Variants in LOC400499 observed in about 807,000 individuals in gnomAD.
At chr16:11,473,497 T>C in the LOC400499 span, among the ~76,000 whole-genome samples, 2 of 152,016 alleles carry the variant, frequency 1.3e-5, no homozygotes, top group African/African-American at 4.8e-5. Flanking sequence ...TCACTCATAA[T>C]GGAGTTGAAA....
chr16:11,472,635 A>G, the LOC400499 span: 1 of 152,048 alleles, frequency 6.6e-6, no homozygotes, highest in Admixed American at 6.6e-5. Context: ...CTGGGTCTCA[A>G]TGTTTCTTTT....
At chr16:11,500,367 C>G in the LOC400499 span, among the ~76,000 whole-genome samples, 1 of 152,030 alleles carries the variant, frequency 6.6e-6, no homozygotes, top group East Asian at 1.9e-4. Context: ...AAAACTTAGC[C>G]AGGTGGGGTG....
chr16:11,479,051 C>G, the LOC400499 span, among the ~76,000 whole-genome samples: 2 of 152,242 alleles, frequency 1.3e-5, no homozygotes, highest in Admixed American at 6.5e-5. Context: ...TGGTAAATTG[C>G]CCAGTCCCTG....
chr16:11,496,888 ATGTGTGTGTGTGTGTGTG>A, the LOC400499 span, among the ~76,000 whole-genome samples: 128 of 144,378 alleles, frequency 8.9e-4, no homozygotes, highest in African/African-American at 3.0e-3. Flanking sequence ...GTATGCCTCA[ATGTGTGTGTGTGTGTGTG>A]TGTGTGTGTG....
the LOC400499 span, among the ~76,000 whole-genome samples, chr16:11,489,075 C>A: frequency 6.6e-6 from 1 of 152,166 alleles, no homozygotes; most frequent in African/African-American, 2.4e-5. Flanking sequence ...AAATCCAGCC[C>A]GTGTATGGAA....
the LOC400499 span, among the ~76,000 whole-genome samples, chr16:11,505,061 G>T: frequency 6.6e-6 from 1 of 151,922 alleles, no homozygotes; most frequent in Non-Finnish European, 1.5e-5. Context: ...GTGGCCGCAT[G>T]CTACTCAGTA....
chr16:11,477,598 C>T, the LOC400499 span, among the ~76,000 whole-genome samples: 5 of 152,222 alleles, frequency 3.3e-5, no homozygotes, highest in African/African-American at 1.2e-4. Context: ...CCTCGTACTG[C>T]GGTGTGACCT....
At chr16:11,431,154 C>G in the LOC400499 span, 1 of 398,916 alleles carries the variant, frequency 2.5e-6, no homozygotes, top group Non-Finnish European at 4.4e-6. Context: ...TCCGGCCTCC[C>G]CTCCATTCCT....
the LOC400499 span, chr16:11,390,503 C>T: frequency 3.2e-6 from 4 of 1,232,426 alleles, no homozygotes; most frequent in Non-Finnish European, 4.0e-6. Context: ...GACCTCAGGG[C>T]AGGTCAGAGA....
the LOC400499 span, among the ~76,000 whole-genome samples, chr16:11,512,318 G>A: frequency 1.3e-5 from 2 of 151,600 alleles, no homozygotes; most frequent in Non-Finnish European, 2.9e-5. Context: ...TAATAAAGGG[G>A]CCTGGCACGG....
the LOC400499 span, chr16:11,384,858 G>A: frequency 1.7e-5 from 21 of 1,232,018 alleles, no homozygotes; most frequent in Admixed American, 2.1e-4. Flanking sequence ...CGCTGTAGGT[G>A]GGGCCAACCC....
chr16:11,430,681 T>A, the LOC400499 span, among the ~76,000 whole-genome samples: 1 of 152,208 alleles, frequency 6.6e-6, no homozygotes, highest in Non-Finnish European at 1.5e-5. Context: ...CTTGCAACTT[T>A]TCTACAAGTC....
the LOC400499 span, among the ~76,000 whole-genome samples, chr16:11,490,421 C>T: frequency 2.2e-4 from 33 of 146,922 alleles, no homozygotes; most frequent in East Asian, 8.2e-4. Context: ...AAAAAAAGTC[C>T]GGGCGCAGTG....
At chr16:11,376,852 G>A in the LOC400499 span, among the ~76,000 whole-genome samples, 1 of 151,896 alleles carries the variant, frequency 6.6e-6, no homozygotes, top group Non-Finnish European at 1.5e-5. Context: ...TTGTATAACC[G>A]GTCTCTGGGA....
At chr16:11,445,123 G>C in the LOC400499 span, among the ~76,000 whole-genome samples, 2 of 151,510 alleles carry the variant, frequency 1.3e-5, no homozygotes, top group African/African-American at 4.9e-5. Flanking sequence ...TTTGTGATAG[G>C]TACTAAAAGC....
chr16:11,384,284 CTGCTTCATTGTCATTGGT>C, the LOC400499 span: 3 of 1,232,458 alleles, frequency 2.4e-6, no homozygotes, highest in Non-Finnish European at 3.0e-6. Context: ...AGCTCATTGC[CTGCTTCATTGTCATTGGT>C]GCCCAGAAGG....
the LOC400499 span, chr16:11,407,272 G>A: frequency 2.5e-6 from 1 of 398,704 alleles, no homozygotes; most frequent in Non-Finnish European, 4.4e-6. Flanking sequence ...GGGTGCTGAT[G>A]TGAAAATGAC....
At chr16:11,400,543 C>T in the LOC400499 span, among the ~76,000 whole-genome samples, 1 of 152,160 alleles carries the variant, frequency 6.6e-6, no homozygotes, top group Non-Finnish European at 1.5e-5. Flanking sequence ...AGGGCTCAAA[C>T]GATCCTCCCG....
the LOC400499 span, among the ~76,000 whole-genome samples, chr16:11,409,344 T>C: frequency 1.3e-5 from 2 of 152,014 alleles, no homozygotes; most frequent in African/African-American, 4.8e-5. Context: ...ATATTCTAGA[T>C]CAGGAGTTGG....
Sources: allele counts gnomAD v4.1 joint callset (sites outside exome capture counted in the v4.1 genomes callset), GRCh38; gene constraint gnomAD v4.1.1; transcripts MANE v1.5.